The following COPB2 variants were observed in gnomAD, a reference collection of about 807,000 sequenced individuals.
The protein encoded by COPB2 is coat protein complex I subunit beta 2.
Under a neutral mutation model 120.8 loss-of-function variants are expected in COPB2, and 16 were observed. The observed-to-expected ratio is 0.13, with a 90% confidence interval of 0.09 to 0.20. The LOEUF (loss-of-function observed/expected upper bound fraction) is 0.20, where lower values mean the gene tolerates loss of function less well. Ranked by LOEUF, COPB2 falls within the 10% of genes least tolerant of loss-of-function variation. The probability of loss-of-function intolerance (pLI) is 1.00; values close to 1 mark genes in which losing one functional copy is unlikely to be tolerated. For synonymous variants in COPB2, 332 were observed against 366.3 expected, an observed-to-expected ratio of 0.91 and a Z score of 1.07; for missense variants, 794 against 1,076.5, an observed-to-expected ratio of 0.74 and a Z score of 3.67.
chr3:139,375,655 T>C (rs769872400), intron 5 of COPB2, 41 bp from the exon 6 acceptor site: 5 of 1,594,010 alleles, frequency 3.1e-6, no homozygotes. Flanking sequence ...TATGGGGCCT[T>C]GCTTTACAAA....
chr3:139,384,383 T>C (rs972107469), intron 1 of COPB2, among the ~76,000 whole-genome samples: 1 of 152,224 alleles, frequency 6.6e-6, no homozygotes, highest in African/African-American at 2.4e-5. Context: ...CCTTTAAGCA[T>C]TGGAAATCCA....
chr3:139,386,816 T>G (rs1941933567), intron 1 of COPB2, among the ~76,000 whole-genome samples: 1 of 151,946 alleles, frequency 6.6e-6, no homozygotes, highest in Non-Finnish European at 1.5e-5. Context: ...GATTATTGAG[T>G]AAAAGTGATG....
chr3:139,359,058 T>C lies in COPB2; in HGVS notation c.2424A>G (p.Glu808=). Residue 808 remains glutamate (E), a synonymous_variant, in exon 19 of 22, where the codon GAA becomes GAG. Coordinates refer to ENST00000333188, the MANE Select transcript of COPB2 (RefSeq NM_004766.3). ...CAGCATGTGTTTCCTTCACCCATTC[T>C]TCAACAACAAAGGCTTCTTTTAATC... ...FPGLKEAFVV[E]EWVKETHADL... 1 of 1,614,156 alleles carries C rather than the reference T, an allele frequency of 6.2e-7. No individual in the cohort carries two copies. Among genetic ancestry groups the C allele is most frequent in the Non-Finnish European group, 8.5e-7 (1 of 1,180,028 alleles).
chr3:139,362,643 A>T (rs1184283986), intron 15 of COPB2, 126 bp from the exon 16 acceptor site: 5 of 391,328 alleles, frequency 1.3e-5, no homozygotes, highest in Non-Finnish European at 2.1e-5. Context: ...TTCCCTCTCA[A>T]ACTAGAAACC....
intron 2 of COPB2, chr3:139,381,024 C>T (rs1464044869): frequency 6.6e-6 from 1 of 152,162 alleles, no homozygotes; most frequent in Non-Finnish European, 1.5e-5. Context: ...AAATACTCAA[C>T]GTAGATTAGG....
intron 10 of COPB2, 74 bp from the exon 11 acceptor site, chr3:139,369,618 C>A: frequency 2.2e-6 from 2 of 923,196 alleles, no homozygotes; most frequent in South Asian, 1.7e-5. Context: ...TTGGAAATAT[C>A]TTCAAATATT....
At chr3:139,370,163 T>A (rs1941596744) in intron 10 of COPB2, among the ~76,000 whole-genome samples, 1 of 152,182 alleles carries the variant, frequency 6.6e-6, no homozygotes, top group Non-Finnish European at 1.5e-5. Flanking sequence ...TTACATACAT[T>A]TGCCCAAATC....
chr3:139,374,374 T>C lies in COPB2; in HGVS notation c.751+115A>G, dbSNP rs1313700822. The C allele has an allele frequency of 7.4e-6, 6 of 808,894 alleles. No individual in the cohort carries two copies. The African/African-American group carries it at 8.6e-5, about 12-fold the overall frequency. The allele number at this position is 808,894 out of a possible 1,614,324, so 50.1% of individuals were successfully genotyped here. A position where few individuals can be genotyped will look rare whatever the true frequency, so the allele number is the denominator to read the frequency against. On this transcript the variant is annotated intron_variant, in intron 7 of 21. Coordinates refer to ENST00000333188, the MANE Select transcript of COPB2 (RefSeq NM_004766.3). ...CTTTTATAGCTTAAGTCTGGTACTT[T>C]AATAAAAATATCAAAATCCTTGGAA...
chr3:139,380,044 T>C (rs1430610006), intron 2 of COPB2: 1 of 144,688 alleles, frequency 6.9e-6, no homozygotes, highest in Non-Finnish European at 1.5e-5. Context: ...TCTTACTCTG[T>C]CACCCAGGCT....
chr3:139,368,338 A>G (rs756920188), intron 12 of COPB2, 50 bp from the exon 13 acceptor site: 2 of 1,558,718 alleles, frequency 1.3e-6, no homozygotes, highest in Non-Finnish European at 1.7e-6. Context: ...CTGAGTGGAT[A>G]TGACAAACTG....
At chr3:139,377,727 A>G (rs554667857) in intron 5 of COPB2, among the ~76,000 whole-genome samples, 1 of 152,336 alleles carries the variant, frequency 6.6e-6, no homozygotes, top group South Asian at 2.1e-4. Flanking sequence ...TGAATACTAA[A>G]AGGAGAGGAC....
intron 17 of COPB2, among the ~76,000 whole-genome samples, chr3:139,360,290 G>A (rs545023061): frequency 2.5e-4 from 38 of 151,932 alleles, no homozygotes; most frequent in Admixed American, 5.2e-4. Flanking sequence ...TTGGGAGGAC[G>A]AGGCAGGCGG....
Position 139,368,124 on chromosome 3 carries a change from A to C in COPB2, c.1545+21T>G, listed in dbSNP as rs1169389077. 2.5e-6 allele frequency: 4 copies of C among 1,600,130 alleles called. No individual in the cohort carries two copies. The African/African-American group carries it at 4.1e-5, about 16-fold the overall frequency. On this transcript the variant is annotated intron_variant, in intron 13 of 21. Transcript: ENST00000333188. ...CATTTAAAAACAAAGCTGAAAGCGAAAGTTGTGCTGATGCAATTACCTCAA... is the reference window on the plus strand; with the variant it reads ...CATTTAAAAACAAAGCTGAAAGCGACAGTTGTGCTGATGCAATTACCTCAA...
intron 10 of COPB2, among the ~76,000 whole-genome samples, chr3:139,371,277 A>C (rs1271915314): frequency 6.6e-6 from 1 of 152,264 alleles, no homozygotes; most frequent in Non-Finnish European, 1.5e-5. Flanking sequence ...GTTTTAAAAA[A>C]GATTTAATAA....
chr3:139,367,437 G>A (rs1029242341), intron 13 of COPB2, among the ~76,000 whole-genome samples: 6 of 151,834 alleles, frequency 4.0e-5, no homozygotes, highest in African/African-American at 1.5e-4. Context: ...ACAGGCGCCC[G>A]CCACCATGCC....
chr3:139,373,429 T>C lies in COPB2; in HGVS notation c.895-17A>G, dbSNP rs760308551. 3 of 1,613,446 alleles carry C rather than the reference T, an allele frequency of 1.9e-6. No homozygotes were observed. Among genetic ancestry groups the C allele is most frequent in the South Asian group, 2.2e-5 (2 of 91,058 alleles). ...CCGACCAAGCTGAAAGAAAGAAAAA[T>C]AGCTCTCAGCAATGAAAAGGAAAAT... On this transcript the variant is annotated splice_polypyrimidine_tract_variant and intron_variant, in intron 8 of 21. Coordinates refer to ENST00000333188, the MANE Select transcript of COPB2 (RefSeq NM_004766.3).
At position 139,362,490 on chromosome 3, in the gene COPB2, A is replaced by C; in HGVS notation, c.1912T>G (p.Ser638Ala). The change falls in exon 16 of 22, where the codon TCC (serine) becomes GCC (alanine). Residue 638 changes from serine (S) to alanine (A), a missense_variant. By Grantham distance (99) the Ser-to-Ala change is moderately conservative (BLOSUM62 1). Around this residue, in one of 3 missense-constraint regions of COPB2, gnomAD observed 610 missense variants for 866.7 expected, o/e 0.70. Coordinates refer to ENST00000333188, the MANE Select transcript of COPB2 (RefSeq NM_004766.3). ...QGFKQQALTV[S>A]TDPEHRFELA... ...TCAAAACGATGCTCAGGATCTGTGG[A>C]TACTGTAAGAGCTTGCTGCTTGAAG... The C allele has an allele frequency of 1.9e-6, 3 of 1,611,916 alleles. No individual in the cohort carries two copies. Among genetic ancestry groups the C allele is most frequent in the Non-Finnish European group, 2.5e-6 (3 of 1,179,090 alleles).
intron 6 of COPB2, 114 bp from the exon 7 acceptor site, chr3:139,374,702 A>C: frequency 1.6e-6 from 1 of 625,874 alleles, no homozygotes; most frequent in Non-Finnish European, 2.5e-6. Flanking sequence ...TGAAAATCTA[A>C]ATAATATCCA....
chr3:139,370,304 G>C (rs988469643), intron 10 of COPB2, among the ~76,000 whole-genome samples: 1 of 152,166 alleles, frequency 6.6e-6, no homozygotes, highest in Non-Finnish European at 1.5e-5. Flanking sequence ...GAGGTGGGCA[G>C]CATATACAAT....
Sources: gnomAD v4.1 joint callset for allele counts (sites outside exome capture counted in the v4.1 genomes callset) on GRCh38, gnomAD v4.1.1 for gene constraint, gnomAD v4.1.1 regional missense constraint, MANE v1.5 for transcripts, NCBI Gene and HGNC (gene_info 2026-07-23, HGNC 2026-07-21) for gene names.